ZNF536: variants seen among roughly 807,000 people sequenced by gnomAD.
The protein encoded by ZNF536 is zinc finger protein 536.
A neutral mutation model predicts 84.5 loss-of-function variants in ZNF536; 13 were observed. The ratio of observed to expected loss-of-function variants is 0.15; its 90% CI spans 0.10 to 0.24. The LOEUF (loss-of-function observed/expected upper bound fraction) is 0.24, where lower values mean the gene tolerates loss of function less well. Ranked by LOEUF, ZNF536 falls within the 10% of genes least tolerant of loss-of-function variation. The pLI is 1.00. For synonymous variants in ZNF536, 811 were observed against 742.5 expected (o/e 1.09, Z -1.50); for missense variants, 1,536 against 1,747.5 (o/e 0.88, Z 2.16).
rs1328580346 is a variant in ZNF536 at position 30,414,401 on chromosome 19, A to G, written c.-2-29160A>G. On this transcript the variant is annotated intron_variant, in intron 1 of 4. Coordinates refer to ENST00000355537, the MANE Select transcript of ZNF536 (RefSeq NM_014717.3). ...AATATGTTTAGTTTTTATTTTTGCT[A>G]TCGTTTTTATGTTGTCTGTTAATCA... 3.9e-5 allele frequency among the ~76,000 whole-genome samples: 6 copies of G among 152,074 alleles called. No homozygotes were observed. The East Asian group carries it at 1.2e-3, about 29-fold the overall frequency.
chr19:30,450,549 A>C (rs2052555362), intron 2 of ZNF536, among the ~76,000 whole-genome samples: 2 of 144,900 alleles, frequency 1.4e-5, no homozygotes, highest in Admixed American at 1.4e-4. Context: ...ACTTTGGAAA[A>C]CAATAATCCC....
chr19:30,685,886 G>A lies in ZNF536; in HGVS notation c.170-24871G>A, dbSNP rs773340659. Among the ~76,000 whole-genome samples the A allele has an allele frequency of 3.0e-4, 45 of 152,106 alleles. 1 individual carries two copies. Among genetic ancestry groups the A allele is most frequent in the African/African-American group, 9.4e-4 (39 of 41,434 alleles). On this transcript the variant is annotated intron_variant, in intron 1 of 1. Transcript: ENST00000592773. ...GAACGTCATTTGTTTTTCTTTGTTCGGAAGACAGGCTACATGAGCATTTGC... is the reference window on the plus strand; with the variant it reads ...GAACGTCATTTGTTTTTCTTTGTTCAGAAGACAGGCTACATGAGCATTTGC...
intron 2 of ZNF536, among the ~76,000 whole-genome samples, chr19:30,474,918 C>T (rs991815495): frequency 2.0e-5 from 3 of 149,456 alleles, no homozygotes; most frequent in Non-Finnish European, 4.4e-5. Context: ...GCATTCTCCC[C>T]CCACATCCCC....
Position 30,567,306 on chromosome 19 carries a change from G to A in ZNF536, c.169+17792G>A, listed in dbSNP as rs765717413. On this transcript the variant is annotated intron_variant, in intron 1 of 1. Transcript: ENST00000592773. ...GAGCACCGTCTTGGAGCGCGTGGGC[G>A]GGGCACTGGGTAGGGACCAGGTGTT... Among the ~76,000 whole-genome samples, 6 of 152,160 alleles carry A rather than the reference G, an allele frequency of 3.9e-5. No individual in the cohort carries two copies. The East Asian group carries it at 5.8e-4, about 15-fold the overall frequency.
intron 1 of ZNF536, among the ~76,000 whole-genome samples, chr19:30,378,992 G>T (rs1262582963): frequency 1.3e-5 from 2 of 152,212 alleles, no homozygotes; most frequent in Non-Finnish European, 2.9e-5. Context: ...AGGAGTGTGG[G>T]GAGGGGGTGA....
In ZNF536 at chr19:30,548,819, A is replaced by C. The variant is rs2146220017; in HGVS notation, c.3200A>C (p.Asn1067Thr). 6.2e-7 allele frequency: 1 copy of C among 1,614,058 alleles called. No individual in the cohort carries two copies. Among genetic ancestry groups the C allele is most frequent in the South Asian group, 1.1e-5 (1 of 91,076 alleles). Residue 1067 changes from asparagine (N) to threonine (T), a missense_variant, in exon 4 of 5, where the codon AAT becomes ACT. By Grantham distance (65) the Asn-to-Thr change is moderately conservative. Transcript: ENST00000355537. ...TCAAACAAAGACCTGGGCCTCTCCAATATGATCAGCTCTCTAGACTCTGCT... is the reference window on the plus strand; with the variant it reads ...TCAAACAAAGACCTGGGCCTCTCCACTATGATCAGCTCTCTAGACTCTGCT... ...LQSNKDLGLSNMISSLDSASE... is the reference protein window; with the variant it reads ...LQSNKDLGLSTMISSLDSASE...
intron 1 of ZNF536, among the ~76,000 whole-genome samples, chr19:30,588,327 AC>A (rs1414611136): frequency 1.3e-5 from 2 of 152,198 alleles, no homozygotes; most frequent in Admixed American, 1.3e-4. Flanking sequence ...TGTGGTCATG[AC>A]TGCATTAGTA....
chr19:30,229,672 CT>C (rs1177167261), intron 1 of ZNF536, among the ~76,000 whole-genome samples: 1 of 152,212 alleles, frequency 6.6e-6, no homozygotes, highest in African/African-American at 2.4e-5. Context: ...CTGAAGGCTG[CT>C]TTAGTTATGA....
intron 2 of ZNF536, among the ~76,000 whole-genome samples, chr19:30,459,414 C>T (rs1437932307): frequency 1.3e-5 from 2 of 148,468 alleles, no homozygotes; most frequent in Non-Finnish European, 3.0e-5. Flanking sequence ...GCCATGGCTC[C>T]GTCTTGGCTC....
chr19:30,523,567 T>C (rs1483577308), intron 2 of ZNF536, among the ~76,000 whole-genome samples: 1 of 152,216 alleles, frequency 6.6e-6, no homozygotes, highest in Non-Finnish European at 1.5e-5. Context: ...GGCGACAAGA[T>C]GGAGAAGCCT....
At chr19:30,451,597 G>A (rs1253062982) in intron 2 of ZNF536, among the ~76,000 whole-genome samples, 1 of 152,224 alleles carries the variant, frequency 6.6e-6, no homozygotes, top group Non-Finnish European at 1.5e-5. Flanking sequence ...TCAGAGATGT[G>A]TGGCATAAAA....
At chr19:30,367,065 C>T (rs1037015392) in intron 3 of ZNF536, among the ~76,000 whole-genome samples, 1 of 152,218 alleles carries the variant, frequency 6.6e-6, no homozygotes, top group Admixed American at 6.5e-5. Flanking sequence ...AAGGATGACA[C>T]TTATTTGGTT....
chr19:30,457,426 G>A (rs186660722), intron 2 of ZNF536, among the ~76,000 whole-genome samples: 3 of 152,346 alleles, frequency 2.0e-5, no homozygotes, highest in Non-Finnish European at 4.4e-5. Context: ...CCTGGGAGAA[G>A]AGTCCAGTGG....
intron 2 of ZNF536, among the ~76,000 whole-genome samples, chr19:30,287,660 GGATGGGTGGGTGGATGGA>G (rs1568306166): frequency 3.9e-5 from 4 of 101,854 alleles, no homozygotes; most frequent in Non-Finnish European, 5.7e-5. Context: ...GTGGGTGGAT[GGATGGGTGGGTGGATGGA>G]TGGATGGATG....
At chr19:30,284,372 A>C (rs1248873255) in intron 2 of ZNF536, among the ~76,000 whole-genome samples, 2 of 152,230 alleles carry the variant, frequency 1.3e-5, no homozygotes, top group Admixed American at 6.5e-5. Context: ...GCAAAGCCCA[A>C]CAAGGGTGAC....
At position 30,444,642 on chromosome 19, in the gene ZNF536, C is replaced by T. The variant is rs757342308; in HGVS notation, c.1080C>T (p.Leu360=). ...AGGTGTTCAGCCAGGCGTGGTTCCT[C>T]AAGGGTCACATGCGCAAGCACAAAG... is the stretch of plus-strand genomic sequence containing the variant. The part of the protein sequence containing the change: ...CGQVFSQAWF[L]KGHMRKHKDS... The change falls in exon 2 of 5, where the codon CTC becomes CTT. Residue 360 remains leucine (L), a synonymous_variant. Coordinates refer to ENST00000355537, the MANE Select transcript of ZNF536 (RefSeq NM_014717.3). The T allele has an allele frequency of 1.9e-6, 3 of 1,613,960 alleles. No individual in the cohort carries two copies. Among genetic ancestry groups the T allele is most frequent in the Middle Eastern group, 1.6e-4 (1 of 6,062 alleles).
chr19:30,583,892 G>A (rs2047007311), intron 1 of ZNF536, among the ~76,000 whole-genome samples: 1 of 152,184 alleles, frequency 6.6e-6, no homozygotes, highest in Non-Finnish European at 1.5e-5. Flanking sequence ...TCTGGCCCTG[G>A]TGGTCAGAAA....
At chr19:30,531,336 C>T (rs1015626705) in intron 2 of ZNF536, among the ~76,000 whole-genome samples, 8 of 152,220 alleles carry the variant, frequency 5.3e-5, no homozygotes, top group South Asian at 2.1e-4. Flanking sequence ...CAGTGCAGGG[C>T]GGCCGTATCG....
chr19:30,516,138 G>A (rs73024804), intron 2 of ZNF536, among the ~76,000 whole-genome samples: 14,722 of 152,056 alleles, frequency 0.097, 981 homozygotes, highest in Non-Finnish European at 0.15. Context: ...AGAGAGACAA[G>A]GGCAGAAGGG....
Sources: allele counts gnomAD v4.1 joint callset (sites outside exome capture counted in the v4.1 genomes callset), GRCh38; gene constraint gnomAD v4.1.1; transcripts MANE v1.5; gene names NCBI Gene and HGNC (gene_info 2026-07-23, HGNC 2026-07-21).